The following PRKAR2B variants were observed in gnomAD, a reference collection of about 807,000 sequenced individuals.
PRKAR2B encodes cAMP-dependent protein kinase type II-beta regulatory subunit.
In PRKAR2B, 14 loss-of-function variants were observed where a neutral mutation model predicts 49.9. That is an observed-to-expected ratio of 0.28 (90% CI 0.19 to 0.44). PRKAR2B has a LOEUF of 0.44. Ranked by LOEUF, PRKAR2B falls within the 20% of genes least tolerant of loss-of-function variation. The pLI, the probability that PRKAR2B is intolerant of heterozygous loss-of-function variation, is 1.00. For missense variants in PRKAR2B, 393 were observed against 537.9 expected, an observed-to-expected ratio of 0.73 and a Z score of 2.67; for synonymous variants, 196 against 197.7, an observed-to-expected ratio of 0.99 and a Z score of 0.07.
chr7:107,130,655 G>A (rs1436920213), intron 4 of PRKAR2B, among the ~76,000 whole-genome samples: 1 of 152,112 alleles, frequency 6.6e-6, no homozygotes, highest in Non-Finnish European at 1.5e-5. Context: ...TTCAATCCAC[G>A]TTTGCCGAGT....
At chr7:107,139,020 T>C (rs1795747821) in intron 4 of PRKAR2B, among the ~76,000 whole-genome samples, 1 of 152,190 alleles carries the variant, frequency 6.6e-6, no homozygotes, top group Non-Finnish European at 1.5e-5. Context: ...ACAATCATAT[T>C]TTTAATTTCC....
At chr7:107,094,688 G>A (rs760430236) in intron 2 of PRKAR2B, among the ~76,000 whole-genome samples, 10 of 152,160 alleles carry the variant, frequency 6.6e-5, no homozygotes, top group Non-Finnish European at 1.3e-4. Context: ...TTTTGTATAA[G>A]GTGTAAGGAA....
chr7:107,113,796 T>C (rs1431291935), intron 2 of PRKAR2B, among the ~76,000 whole-genome samples: 1 of 152,184 alleles, frequency 6.6e-6, no homozygotes, highest in Non-Finnish European at 1.5e-5. Flanking sequence ...TGGGTTAGTC[T>C]TGTATCTTTA....
At chr7:107,145,140 G>C (rs924607175) in intron 5 of PRKAR2B, among the ~76,000 whole-genome samples, 4 of 152,190 alleles carry the variant, frequency 2.6e-5, no homozygotes, top group Non-Finnish European at 4.4e-5. Context: ...AATGGGGGTT[G>C]ATCTAAAGTA....
intron 2 of PRKAR2B, among the ~76,000 whole-genome samples, chr7:107,070,723 G>T (rs1022121881): frequency 2.6e-5 from 4 of 152,148 alleles, no homozygotes; most frequent in African/African-American, 9.7e-5. Context: ...TGATAATTGA[G>T]TGAGTGTTTT....
At chr7:107,134,788 C>T (rs899463540) in intron 4 of PRKAR2B, among the ~76,000 whole-genome samples, 2 of 152,094 alleles carry the variant, frequency 1.3e-5, no homozygotes, top group Non-Finnish European at 2.9e-5. Flanking sequence ...GATATCCACA[C>T]ACAAAACAAC....
At position 107,045,098 on chromosome 7, in the gene PRKAR2B, C is replaced by T. The variant is rs1163070579; in HGVS notation, c.191C>T (p.Ala64Val). The T allele has an allele frequency of 2.0e-6, 3 of 1,529,632 alleles. No individual in the cohort carries two copies. The highest frequency in any genetic ancestry group is 2.6e-6 in the Non-Finnish European group (3 of 1,141,106). 94.8% of individuals were successfully genotyped at this position (1,529,632 alleles called of 1,614,324 possible). A position where few individuals can be genotyped will look rare whatever the true frequency, so the allele number is the denominator to read the frequency against. ...EGRTWGDLGA[A>V]AGGGTPSKGV... ...AGGACCTGGGGGGACCTGGGCGCCG[C>T]TGCCGGGGGCGGCACCCCCAGCAAG... The change falls in exon 1 of 11, where the codon GCT becomes GTT. Residue 64 changes from alanine (A) to valine (V), a missense_variant. Physicochemically the swap from Ala to Val is moderately conservative, Grantham distance 64. Coordinates refer to ENST00000265717, the MANE Select transcript of PRKAR2B (RefSeq NM_002736.3).
chr7:107,106,238 C>T (rs1289735412), intron 2 of PRKAR2B, among the ~76,000 whole-genome samples: 1 of 152,164 alleles, frequency 6.6e-6, no homozygotes, highest in Non-Finnish European at 1.5e-5. Context: ...AACAAGTTGC[C>T]ACGTGATTTC....
intron 1 of PRKAR2B, chr7:107,067,063 C>T (rs917193976): frequency 6.6e-6 from 1 of 152,312 alleles, no homozygotes; most frequent in Non-Finnish European, 1.5e-5. Flanking sequence ...CATGCTTCAC[C>T]CCCTCCCTGC....
intron 4 of PRKAR2B, among the ~76,000 whole-genome samples, chr7:107,134,248 G>A (rs1344170527): frequency 1.3e-5 from 2 of 151,950 alleles, no homozygotes; most frequent in Non-Finnish European, 1.5e-5. Context: ...AGGCTGGTCT[G>A]GAATTCTTGG....
chr7:107,147,721 A>C (rs778247760), intron 6 of PRKAR2B, among the ~76,000 whole-genome samples: 2 of 152,242 alleles, frequency 1.3e-5, no homozygotes, highest in African/African-American at 4.8e-5. Context: ...TTTACAGTAT[A>C]TGTATTTTCT....
intron 6 of PRKAR2B, 31 bp downstream of exon 6, chr7:107,146,492 T>G (rs375850925): frequency 6.8e-5 from 109 of 1,596,270 alleles, no homozygotes; most frequent in Non-Finnish European, 9.3e-5. Context: ...ACCTGAATGT[T>G]ATGATTTGTA....
intron 3 of PRKAR2B, among the ~76,000 whole-genome samples, chr7:107,124,506 G>A (rs1232226860): frequency 1.3e-5 from 2 of 152,194 alleles, no homozygotes; most frequent in Non-Finnish European, 2.9e-5. Context: ...CAGCCCCCAA[G>A]CCTCTGGGTC....
At chr7:107,066,301 G>GGGGGGGGGTGT (rs147673007) in intron 1 of PRKAR2B, among the ~76,000 whole-genome samples, 5 of 145,512 alleles carry the variant, frequency 3.4e-5, no homozygotes, top group African/African-American at 1.3e-4. Context: ...CTCTATGTGG[G>GGGGGGGGGTGT]GTGTGTGTGT....
chr7:107,069,153 C>T (rs971000442), intron 1 of PRKAR2B, among the ~76,000 whole-genome samples: 1 of 152,170 alleles, frequency 6.6e-6, no homozygotes, highest in African/African-American at 2.4e-5. Flanking sequence ...CCATGCTGGT[C>T]TCAAACTCCT....
At chr7:107,076,055 A>G (rs761482428) in intron 2 of PRKAR2B, among the ~76,000 whole-genome samples, 17 of 152,202 alleles carry the variant, frequency 1.1e-4, no homozygotes, top group East Asian at 1.9e-4. Flanking sequence ...TTACCCTTCT[A>G]GAACAGTTTA....
intron 2 of PRKAR2B, among the ~76,000 whole-genome samples, chr7:107,121,695 G>A (rs1795392448): frequency 6.6e-6 from 1 of 152,048 alleles, no homozygotes; most frequent in East Asian, 1.9e-4. Context: ...AAATGAAAAG[G>A]TTTAAGCTAT....
chr7:107,092,127 T>C (rs1562853744), intron 2 of PRKAR2B, among the ~76,000 whole-genome samples: 1 of 152,128 alleles, frequency 6.6e-6, no homozygotes, highest in Non-Finnish European at 1.5e-5. Flanking sequence ...GGCTTTATTA[T>C]AGGAAGAAGA....
chr7:107,157,102 G>C, intron 9 of PRKAR2B, 53 bp downstream of exon 9: 1 of 1,607,214 alleles, frequency 6.2e-7, no homozygotes, highest in South Asian at 1.1e-5. Flanking sequence ...GAACACAACA[G>C]ATCTACTTTT....
Sources: gnomAD v4.1 joint callset for allele counts (sites outside exome capture counted in the v4.1 genomes callset) on GRCh38, gnomAD v4.1.1 for gene constraint, MANE v1.5 for transcripts, NCBI Gene and HGNC (gene_info 2026-07-23, HGNC 2026-07-21) for gene names.